PCDHGB4: variants seen among roughly 807,000 people sequenced by gnomAD.
PCDHGB4 encodes the protein protocadherin gamma subfamily B, 4.
A neutral mutation model predicts 60.5 loss-of-function variants in PCDHGB4; 38 were observed. The ratio of observed to expected loss-of-function variants is 0.63; its 90% CI spans 0.48 to 0.82. The LOEUF is 0.82. Ranked by LOEUF, PCDHGB4 falls within the 40% of genes least tolerant of loss-of-function variation. The pLI is 0.00. For missense variants in PCDHGB4, 1,109 were observed against 1,209.6 expected (o/e 0.92, Z 1.23); for synonymous variants, 456 against 509.7 (o/e 0.89, Z 1.42).
At chr5:141,419,475 C>G (rs775720158) in intron 1 of PCDHGB4, 2 of 1,612,266 alleles carry the variant, frequency 1.2e-6, no homozygotes, top group Admixed American at 1.7e-5. Context: ...GACCAGGGCT[C>G]GCCCGCGCTC....
At chr5:141,419,227 C>G in intron 1 of PCDHGB4, 1 of 1,614,024 alleles carries the variant, frequency 6.2e-7, no homozygotes, top group South Asian at 1.1e-5. Flanking sequence ...GACAGTCAGC[C>G]TACCTGGTCC....
chr5:141,490,561 A>G lies in PCDHGB4; in HGVS notation c.2398-4246A>G. On this transcript the variant is annotated intron_variant, in intron 1 of 3. Coordinates refer to ENST00000519479, the MANE Select transcript of PCDHGB4 (RefSeq NM_003736.4). This position sits in a 1 kb window ranked among gnomAD's most constrained non-coding sequence, Gnocchi z 5.4. Reference sequence around the variant, plus strand: ...TTCCCTACACAAACATCTCACCATCAGGCTCAACATTTCAGATGTCAATGA... The same window carrying G: ...TTCCCTACACAAACATCTCACCATCGGGCTCAACATTTCAGATGTCAATGA... 6.2e-7 allele frequency: 1 copy of G among 1,614,090 alleles called. No individual in the cohort carries two copies. The highest frequency in any genetic ancestry group is 8.5e-7 in the Non-Finnish European group (1 of 1,180,004).
chr5:141,470,748 A>C (rs1163686396), intron 1 of PCDHGB4, among the ~76,000 whole-genome samples: 1 of 152,106 alleles, frequency 6.6e-6, no homozygotes. Flanking sequence ...CCCTGGCTGG[A>C]GTGCAGTGGA....
chr5:141,476,979 G>T lies in PCDHGB4; in HGVS notation c.2398-17828G>T. The T allele has an allele frequency of 1.2e-6, 2 of 1,614,238 alleles. No individual in the cohort carries two copies. The highest frequency in any genetic ancestry group is 1.7e-6 in the Non-Finnish European group (2 of 1,180,042). The stretch of plus-strand genomic sequence containing the variant: ...ATTTACTCCTTCGGCAGCCACAACC[G>T]CGCCGGCGTGCGGCAACTATTCGCC... On this transcript the variant is annotated intron_variant, in intron 1 of 3. Coordinates refer to ENST00000519479, the MANE Select transcript of PCDHGB4 (RefSeq NM_003736.4). This position sits in a 1 kb window ranked among gnomAD's most constrained non-coding sequence, Gnocchi z 7.6.
chr5:141,395,525 G>A, intron 1 of PCDHGB4: 2 of 384,022 alleles, frequency 5.2e-6, no homozygotes, highest in Non-Finnish European at 9.3e-6. Flanking sequence ...CGTCCATACT[G>A]GTAATTTTGC....
rs1284287216 is a variant in PCDHGB4 at position 141,398,423 on chromosome 5, A to C, written c.2397+8142A>C. On this transcript the variant is annotated intron_variant, in intron 1 of 3. Transcript: ENST00000519479. ...GACAGGGAGGAGATATGCGGGAAGA[A>C]GCCAGCTTGTGCTCTGGAATTTGAG... 2.0e-6 allele frequency: 3 copies of C among 1,514,696 alleles called. No individual in the cohort carries two copies. In the South Asian group the frequency reaches 3.4e-5, roughly 17 times the overall value. The allele number at this position is 1,514,696 out of a possible 1,614,324, so 93.8% of individuals were successfully genotyped here.
chr5:141,507,202 C>G (rs2099859138), intron 3 of PCDHGB4: 1 of 152,356 alleles, frequency 6.6e-6, no homozygotes, highest in Non-Finnish European at 1.5e-5. Flanking sequence ...TCTTCCAGAT[C>G]AGGGTTGCCA....
chr5:141,490,978 C>T lies in PCDHGB4; in HGVS notation c.2398-3829C>T. 6.2e-7 allele frequency: 1 copy of T among 1,614,100 alleles called. No individual in the cohort carries two copies. Among genetic ancestry groups the T allele is most frequent in the Non-Finnish European group, 8.5e-7 (1 of 1,180,034 alleles). ...GGAACACTCAGCCCCCCAGCGTCTC[C>T]CTCGCTCTGCTCCTCCTGGCTCCTT... is the stretch of plus-strand genomic sequence containing the variant. On this transcript the variant is annotated intron_variant, in intron 1 of 3. Coordinates refer to ENST00000519479, the MANE Select transcript of PCDHGB4 (RefSeq NM_003736.4). The surrounding 1 kb of genome is among the most constrained non-coding windows in gnomAD (Gnocchi z 5.4).
rs368800698 is a variant in PCDHGB4, at chr5:141,405,118, G to A, written c.2397+14837G>A. The A allele has an allele frequency of 1.1e-5, 18 of 1,613,946 alleles. No homozygotes were observed. The East Asian group carries it at 1.8e-4, about 16-fold the overall frequency. ...TCAGGCTGAGGCACTGGCACTCCTCGCATCTGCTGCGGGCTACCAGTGATG... is the reference window on the plus strand; with the variant it reads ...TCAGGCTGAGGCACTGGCACTCCTCACATCTGCTGCGGGCTACCAGTGATG... On this transcript the variant is annotated intron_variant, in intron 1 of 3. Transcript: ENST00000519479.
intron 1 of PCDHGB4, chr5:141,478,874 A>G: frequency 1.6e-6 from 2 of 1,276,696 alleles, no homozygotes; most frequent in Non-Finnish European, 2.1e-6. Flanking sequence ...ATCAGAGTTT[A>G]GCTTGGTATC....
intron 1 of PCDHGB4, chr5:141,427,962 G>C (rs767684725): frequency 5.0e-6 from 8 of 1,589,982 alleles, no homozygotes; most frequent in Non-Finnish European, 6.9e-6. Flanking sequence ...TGTGCCGCGG[G>C]TGCTGTACCC....
rs779535322 is a variant in PCDHGB4 at position 141,398,516 on chromosome 5, C to A, written c.2397+8235C>A. ...GAGATCGAGGACATTAATGACCACACGCCAAAATTCACGCAAAATTCCTTT... is the reference window on the plus strand; with the variant it reads ...GAGATCGAGGACATTAATGACCACAAGCCAAAATTCACGCAAAATTCCTTT... On this transcript the variant is annotated intron_variant, in intron 1 of 3. Coordinates refer to ENST00000519479, the MANE Select transcript of PCDHGB4 (RefSeq NM_003736.4). The A allele has an allele frequency of 1.9e-6, 3 of 1,598,584 alleles. No individual in the cohort carries two copies. The South Asian group carries it at 3.3e-5, about 18-fold the overall frequency.
At chr5:141,440,779 GC>G (rs2154559027) in intron 1 of PCDHGB4, 1 of 152,294 alleles carries the variant, frequency 6.6e-6, no homozygotes, top group Admixed American at 6.5e-5. Flanking sequence ...AGTGCTAGCA[GC>G]CTTAGACGGC....
intron 1 of PCDHGB4, among the ~76,000 whole-genome samples, chr5:141,474,420 T>C (rs1260451051): frequency 2.0e-5 from 3 of 152,226 alleles, no homozygotes; most frequent in Admixed American, 2.0e-4. Flanking sequence ...GCCTAGACCA[T>C]TGGTCCTCAC....
At chr5:141,508,879 G>A (rs2547559) in intron 3 of PCDHGB4, among the ~76,000 whole-genome samples, 2 of 152,070 alleles carry the variant, frequency 1.3e-5, no homozygotes, top group East Asian at 3.9e-4. Context: ...AGAGGCTGAC[G>A]GCTGGAGGGG....
intron 1 of PCDHGB4, among the ~76,000 whole-genome samples, chr5:141,488,351 C>G (rs1467834410): frequency 6.6e-6 from 1 of 152,132 alleles, no homozygotes; most frequent in African/African-American, 2.4e-5. Context: ...AAACAGCCAC[C>G]CTGTGCATCT....
intron 1 of PCDHGB4, among the ~76,000 whole-genome samples, chr5:141,451,493 T>C (rs1554137340): frequency 2.0e-5 from 3 of 152,230 alleles, no homozygotes; most frequent in Admixed American, 2.0e-4. Context: ...TGGACCTCCA[T>C]AGGGCAACCA....
chr5:141,432,589 G>T lies in PCDHGB4; in HGVS notation c.2397+42308G>T. ...CCTGGCTGTCCTACCGTCTGCTCAA[G>T]GCCAGCGAGCCGGGACTCTTCTCGG... On this transcript the variant is annotated intron_variant, in intron 1 of 3. Transcript: ENST00000519479. The surrounding 1 kb of genome is among the most constrained non-coding windows in gnomAD (Gnocchi z 6.0). 1 of 1,613,916 alleles carries T rather than the reference G, an allele frequency of 6.2e-7. No individual in the cohort carries two copies. Among genetic ancestry groups the T allele is most frequent in the Non-Finnish European group, 8.5e-7 (1 of 1,179,974 alleles).
At chr5:141,398,905 A>C in intron 1 of PCDHGB4, 1 of 1,613,984 alleles carries the variant, frequency 6.2e-7, no homozygotes, top group Non-Finnish European at 8.5e-7. Context: ...ACCAGGCACC[A>C]CTGTGTTGCA....
Sources: gnomAD v4.1 joint callset for allele counts (sites outside exome capture counted in the v4.1 genomes callset) on GRCh38, gnomAD v4.1.1 for gene constraint, Gnocchi (gnomAD v3.1) non-coding constraint, MANE v1.5 for transcripts, NCBI Gene and HGNC (gene_info 2026-07-23, HGNC 2026-07-21) for gene names.